GNRHR: variants seen among roughly 807,000 people sequenced by gnomAD.
GNRHR encodes gonadotropin releasing hormone receptor.
Under a neutral mutation model 28.1 loss-of-function variants are expected in GNRHR, and 14 were observed. The ratio of observed to expected loss-of-function variants is 0.50; its 90% CI spans 0.33 to 0.78. GNRHR has a LOEUF of 0.78. GNRHR is among the 30% of genes least tolerant of loss of function. The pLI is 0.02. For synonymous variants in GNRHR, 141 were observed against 140.5 expected, an observed-to-expected ratio of 1.00 and a Z score of -0.02; for missense variants, 366 against 382.1, an observed-to-expected ratio of 0.96 and a Z score of 0.35.
At chr4:67,749,097 T>C (rs1731819120) in intron 1 of GNRHR, among the ~76,000 whole-genome samples, 1 of 152,178 alleles carries the variant, frequency 6.6e-6, no homozygotes, top group Middle Eastern at 3.2e-3. Flanking sequence ...ATTATTGCTA[T>C]TGTTATTTCT....
At chr4:67,741,555 G>A (rs1360600226) in intron 2 of GNRHR, among the ~76,000 whole-genome samples, 1 of 151,898 alleles carries the variant, frequency 6.6e-6, no homozygotes, top group Non-Finnish European at 1.5e-5. Context: ...TTCCCTCCTG[G>A]GTAGATACCT....
Position 67,753,902 on chromosome 4 carries a change from C to T in GNRHR, c.434G>A (p.Arg145Lys), listed in dbSNP as rs1425733799. 3 of 1,613,954 alleles carry T rather than the reference C, an allele frequency of 1.9e-6. No homozygotes were observed. In the South Asian group the frequency reaches 3.3e-5, roughly 18 times the overall value. ...ISLDRSLAIT[R>K]PLALKSNSKV... ...GCTGTTGCTTTTCAAAGCTAGGGGC[C>T]TCGTGATAGCCAGGGAGCGGTCCAG... Residue 145 changes from arginine to lysine, a missense_variant, in exon 1 of 3, where the codon AGG (arginine) becomes AAG (lysine). Physicochemically the swap from Arg to Lys is conservative, Grantham distance 26 (BLOSUM62 2). Coordinates refer to ENST00000226413, the MANE Select transcript of GNRHR (RefSeq NM_000406.3).
intron 1 of GNRHR, among the ~76,000 whole-genome samples, chr4:67,750,742 A>G (rs145219523): frequency 2.4e-4 from 37 of 152,282 alleles, no homozygotes; most frequent in African/African-American, 8.9e-4. Context: ...TACTCAAATA[A>G]TAGAAAATCG....
chr4:67,753,946 G>A lies in GNRHR; in HGVS notation c.390C>T (p.Phe130=). ...GGTCCAGGCTGATCACCACCATCAT[G>A]AAGGCTGGGGCATACATGGAGAAAA... is the stretch of plus-strand genomic sequence containing the variant. The part of the protein sequence containing the change: ...LKLFSMYAPA[F]MMVVISLDRS... Residue 130 remains phenylalanine, a synonymous_variant, in exon 1 of 3, where the codon TTC becomes TTT. Transcript: ENST00000226413. 3 of 1,614,056 alleles carry A rather than the reference G, an allele frequency of 1.9e-6. No homozygotes were observed. The highest frequency in any genetic ancestry group is 1.1e-5 in the South Asian group (1 of 91,076).
At chr4:67,747,797 A>G (rs1731782520) in intron 1 of GNRHR, among the ~76,000 whole-genome samples, 1 of 152,240 alleles carries the variant, frequency 6.6e-6, no homozygotes, top group Admixed American at 6.5e-5. Flanking sequence ...ATATCCTTCA[A>G]TCAGGGAATT....
chr4:67,738,575 G>A lies in GNRHR; in HGVS notation c.*1905C>T, dbSNP rs1731595585. Among the ~76,000 whole-genome samples, 1 of 151,920 alleles carries A rather than the reference G, an allele frequency of 6.6e-6. No homozygotes were observed. Among genetic ancestry groups the A allele is most frequent in the East Asian group, 1.9e-4 (1 of 5,196 alleles). On this transcript the variant is annotated 3_prime_UTR_variant, in exon 3 of 3. Coordinates refer to ENST00000226413, the MANE Select transcript of GNRHR (RefSeq NM_000406.3). ...AAGCCCTTAGATTGTATCTGTACAA[G>A]TGTGTTATTTTTGATTTTAAATCCA...
chr4:67,753,580 T>G (rs1731909123), intron 1 of GNRHR: 1 of 558,960 alleles, frequency 1.8e-6, no homozygotes, highest in Non-Finnish European at 3.2e-6. Context: ...AAAGCAGTAT[T>G]AAGTAAGCAT....
In GNRHR at chr4:67,746,904, T is replaced by C. The variant is rs147202626; in HGVS notation, c.523-2117A>G. Among the ~76,000 whole-genome samples, 3 of 152,226 alleles carry C rather than the reference T, an allele frequency of 2.0e-5. 1 individual carries two copies. The highest frequency in any genetic ancestry group is 4.8e-5 in the African/African-American group (2 of 41,564). ...AATTCATCCACTAGAGGGCGTCTAA[T>C]AATTTTACTATCACTCCAGTCAAGA... is the stretch of plus-strand genomic sequence containing the variant. On this transcript the variant is annotated intron_variant, in intron 1 of 2. Transcript: ENST00000226413.
intron 1 of GNRHR, among the ~76,000 whole-genome samples, chr4:67,747,025 A>G (rs992016878): frequency 6.6e-6 from 1 of 152,120 alleles, no homozygotes; most frequent in Non-Finnish European, 1.5e-5. Context: ...AATTCTTTGC[A>G]ACCTGACCTT....
chr4:67,740,782 T>C (rs1182099569), intron 2 of GNRHR, 58 bp from the exon 3 acceptor site: 11 of 1,352,422 alleles, frequency 8.1e-6, no homozygotes, highest in Non-Finnish European at 1.1e-5. Context: ...AAAACCAAAG[T>C]GGACAAAAAG....
rs104893838 is a variant in GNRHR, at chr4:67,753,950, G to C, written c.386C>G (p.Ala129Gly). 2 of 1,614,028 alleles carry C rather than the reference G, an allele frequency of 1.2e-6. No homozygotes were observed. The highest frequency in any genetic ancestry group is 2.2e-5 in the South Asian group (2 of 91,082). Residue 129 changes from alanine (A) to glycine (G), a missense_variant, in exon 1 of 3, where the codon GCC becomes GGC. Coordinates refer to ENST00000226413, the MANE Select transcript of GNRHR (RefSeq NM_000406.3). ...CAGGCTGATCACCACCATCATGAAG[G>C]CTGGGGCATACATGGAGAAAAGCTT... Reference protein sequence around the residue: ...YLKLFSMYAPAFMMVVISLDR... With the variant: ...YLKLFSMYAPGFMMVVISLDR...
At chr4:67,751,448 G>A (rs951630526) in intron 1 of GNRHR, among the ~76,000 whole-genome samples, 1 of 152,200 alleles carries the variant, frequency 6.6e-6, no homozygotes, top group African/African-American at 2.4e-5. Context: ...GATGAGTCAT[G>A]TGTTTTACAA....
intron 2 of GNRHR, among the ~76,000 whole-genome samples, chr4:67,743,329 G>A (rs1478455318): frequency 3.9e-5 from 6 of 152,054 alleles, no homozygotes; most frequent in Admixed American, 1.3e-4. Context: ...AACCATCTTG[G>A]CTTAGCACAT....
intron 1 of GNRHR, among the ~76,000 whole-genome samples, chr4:67,751,087 T>G (rs985910392): frequency 6.6e-6 from 1 of 152,204 alleles, no homozygotes; most frequent in African/African-American, 2.4e-5. Context: ...CAGTGCTTTT[T>G]GAACTGCAGG....
chr4:67,737,291 T>G lies in GNRHR; in HGVS notation c.*3189A>C, dbSNP rs963337934. Among the ~76,000 whole-genome samples the G allele has an allele frequency of 6.6e-6, 1 of 152,222 alleles. No homozygotes were observed. The highest frequency in any genetic ancestry group is 3.4e-3 in the Middle Eastern group (1 of 294). On this transcript the variant is annotated 3_prime_UTR_variant, in exon 3 of 3. Transcript: ENST00000226413. ...CTATTGCTGCTATGCATACATTTTA[T>G]ATAACTTTTAAAGTTAGACTAATTG...
At chr4:67,744,431 G>T in intron 2 of GNRHR, 137 bp downstream of exon 2, 1 of 682,430 alleles carries the variant, frequency 1.5e-6, no homozygotes, top group South Asian at 1.6e-5. Flanking sequence ...ACCTTATGGG[G>T]TGATTGTGAA....
rs1241712831 is a variant in GNRHR at position 67,754,053 on chromosome 4, T to C, written c.283A>G (p.Met95Val). 1.2e-6 allele frequency: 2 copies of C among 1,614,028 alleles called. No homozygotes were observed. Among genetic ancestry groups the C allele is most frequent in the Non-Finnish European group, 1.7e-6 (2 of 1,179,976 alleles). Reference protein sequence around the residue: ...LANLLETLIVMPLDGMWNITV... With the variant: ...LANLLETLIVVPLDGMWNITV... ...ATGTTCCACATCCCATCCAGTGGCATGACAATCAGAGTCTCCAACAGGTTG... is the reference window on the plus strand; with the variant it reads ...ATGTTCCACATCCCATCCAGTGGCACGACAATCAGAGTCTCCAACAGGTTG... Residue 95 changes from methionine (M) to valine (V), a missense_variant, in exon 1 of 3, where the codon ATG becomes GTG. Transcript: ENST00000226413.
At chr4:67,742,750 A>T (rs949944770) in intron 2 of GNRHR, among the ~76,000 whole-genome samples, 3 of 152,206 alleles carry the variant, frequency 2.0e-5, no homozygotes, top group Admixed American at 6.5e-5. Context: ...ATTCAGAAAT[A>T]GTCATTCTGA....
At chr4:67,743,367 A>T (rs1215844172) in intron 2 of GNRHR, among the ~76,000 whole-genome samples, 1 of 152,180 alleles carries the variant, frequency 6.6e-6, no homozygotes, top group African/African-American at 2.4e-5. Flanking sequence ...TATCAAGGCA[A>T]CCACAACATG....
Sources: gnomAD v4.1 joint callset for allele counts (sites outside exome capture counted in the v4.1 genomes callset) on GRCh38, gnomAD v4.1.1 for gene constraint, MANE v1.5 for transcripts, NCBI Gene and HGNC (gene_info 2026-07-23, HGNC 2026-07-21) for gene names.